The following REEP3 variants were observed in gnomAD, a reference collection of about 807,000 sequenced individuals.
REEP3 encodes receptor expression-enhancing protein 3.
REEP3 carries 20 observed loss-of-function variants against 41.3 expected under a neutral mutation model. The observed-to-expected ratio is 0.48, with a 90% CI of 0.34 to 0.70. The LOEUF (loss-of-function observed/expected upper bound fraction) is 0.70, where lower values mean the gene tolerates loss of function less well. REEP3 is among the 30% of genes least tolerant of loss of function. The pLI is 0.01. For missense variants in REEP3, 271 were observed against 308.8 expected (o/e 0.88, Z 0.92); for synonymous variants, 104 against 101.8 (o/e 1.02, Z -0.13).
chr10:63,597,942 A>T, intron 3 of REEP3, 82 bp from the exon 4 acceptor site: 1 of 1,226,574 alleles, frequency 8.2e-7, no homozygotes, highest in Non-Finnish European at 1.1e-6. Flanking sequence ...ATAGTGACTG[A>T]ACTTTTTAAA....
intron 6 of REEP3, among the ~76,000 whole-genome samples, chr10:63,616,396 A>G (rs556644834): frequency 1.3e-5 from 2 of 152,202 alleles, no homozygotes; most frequent in South Asian, 4.1e-4. Context: ...TTGAGGGTAG[A>G]AAAAGACAGC....
At chr10:63,524,581 C>T (rs185919053) in intron 1 of REEP3, among the ~76,000 whole-genome samples, 52 of 152,178 alleles carry the variant, frequency 3.4e-4, no homozygotes, top group Admixed American at 2.6e-3. Context: ...GTAGCTGGGA[C>T]TATAGGTGCA....
chr10:63,589,223 G>A (rs542067578), intron 2 of REEP3, among the ~76,000 whole-genome samples: 2 of 152,324 alleles, frequency 1.3e-5, no homozygotes, highest in South Asian at 4.1e-4. Flanking sequence ...ATCCAGACAG[G>A]AGGTGATGGT....
At chr10:63,557,420 T>C (rs1490054250) in intron 1 of REEP3, among the ~76,000 whole-genome samples, 1 of 152,256 alleles carries the variant, frequency 6.6e-6, no homozygotes, top group East Asian at 1.9e-4. Flanking sequence ...CTTATCTTAC[T>C]GTTTGGATAC....
intron 1 of REEP3, among the ~76,000 whole-genome samples, chr10:63,545,348 A>G (rs957282394): frequency 6.6e-6 from 1 of 152,120 alleles, no homozygotes; most frequent in East Asian, 1.9e-4. Flanking sequence ...TAGCCATCCT[A>G]CAGCGTTATA....
At chr10:63,620,051 A>G (rs896244175) in intron 7 of REEP3, among the ~76,000 whole-genome samples, 3 of 150,828 alleles carry the variant, frequency 2.0e-5, no homozygotes, top group African/African-American at 4.9e-5. Flanking sequence ...TCCCACCTCA[A>G]TCTCCCAAGT....
At chr10:63,607,465 T>C (rs994596520) in intron 5 of REEP3, among the ~76,000 whole-genome samples, 1 of 152,186 alleles carries the variant, frequency 6.6e-6, no homozygotes, top group African/African-American at 2.4e-5. Flanking sequence ...ATTCTGAACC[T>C]GAAGCAAACC....
chr10:63,530,949 A>G (rs1955415742), intron 1 of REEP3, among the ~76,000 whole-genome samples: 1 of 152,230 alleles, frequency 6.6e-6, no homozygotes, highest in African/African-American at 2.4e-5. Flanking sequence ...GAGGTAAATG[A>G]GAGGTTAAAG....
At chr10:63,551,601 T>A (rs147218585) in intron 1 of REEP3, among the ~76,000 whole-genome samples, 2 of 152,044 alleles carry the variant, frequency 1.3e-5, no homozygotes, top group Admixed American at 6.5e-5. Context: ...ATGACCTGAG[T>A]CTAATCTTGA....
At chr10:63,542,048 A>G (rs1047764553) in intron 1 of REEP3, among the ~76,000 whole-genome samples, 1 of 151,710 alleles carries the variant, frequency 6.6e-6, no homozygotes, top group African/African-American at 2.4e-5. Context: ...TAGAGTTGGT[A>G]TAAGTGACAT....
intron 3 of REEP3, among the ~76,000 whole-genome samples, chr10:63,597,771 G>A (rs1956129443): frequency 6.6e-6 from 1 of 152,086 alleles, no homozygotes; most frequent in Non-Finnish European, 1.5e-5. Flanking sequence ...AAATTAGCCA[G>A]GAGTGGTGAC....
At chr10:63,593,629 G>A (rs375276674) in intron 2 of REEP3, among the ~76,000 whole-genome samples, 2 of 152,146 alleles carry the variant, frequency 1.3e-5, no homozygotes, top group Admixed American at 6.5e-5. Flanking sequence ...TTAATCGTAC[G>A]TGAAACTCCA....
chr10:63,530,494 AT>A (rs5785580), intron 1 of REEP3, among the ~76,000 whole-genome samples: 69,925 of 151,992 alleles, frequency 0.46, 16,955 homozygotes, highest in East Asian at 0.68. Context: ...TTAAAAATAT[AT>A]GTAGGAAATG....
chr10:63,609,321 G>T (rs200057089), intron 5 of REEP3, among the ~76,000 whole-genome samples: 8,046 of 151,948 alleles, frequency 0.053, 362 homozygotes, highest in African/African-American at 0.12. Context: ...GCGTGGTGGT[G>T]GGCGCCTGTA....
At chr10:63,569,362 T>G (rs1482107506) in intron 2 of REEP3, among the ~76,000 whole-genome samples, 1 of 152,140 alleles carries the variant, frequency 6.6e-6, no homozygotes, top group Non-Finnish European at 1.5e-5. Flanking sequence ...CCATTTCACC[T>G]AGAAAGCATT....
At chr10:63,607,972 T>G (rs150140575) in intron 5 of REEP3, among the ~76,000 whole-genome samples, 74 of 152,314 alleles carry the variant, frequency 4.9e-4, no homozygotes, top group African/African-American at 1.4e-3. Context: ...TAGCCAGCCT[T>G]GGAAATCGCA....
chr10:63,595,043 C>T (rs574878943), intron 3 of REEP3, among the ~76,000 whole-genome samples, 189 bp downstream of exon 3: 13 of 152,276 alleles, frequency 8.5e-5, no homozygotes, highest in African/African-American at 2.9e-4. Context: ...AAAGGCAGCT[C>T]ATTTTCCTCC....
At chr10:63,585,472 T>C (rs1365466084) in intron 2 of REEP3, among the ~76,000 whole-genome samples, 2 of 152,164 alleles carry the variant, frequency 1.3e-5, no homozygotes, top group Non-Finnish European at 2.9e-5. Context: ...ATATATTAAA[T>C]CAGACATTGT....
At chr10:63,549,037 G>T (rs774084400) in intron 1 of REEP3, among the ~76,000 whole-genome samples, 1 of 151,672 alleles carries the variant, frequency 6.6e-6, no homozygotes, top group African/African-American at 2.4e-5. Context: ...TCAGAGGCCA[G>T]AGGCCAAGAA....
Sources: gnomAD v4.1 joint callset for allele counts (sites outside exome capture counted in the v4.1 genomes callset) on GRCh38, gnomAD v4.1.1 for gene constraint, MANE v1.5 for transcripts, NCBI Gene and HGNC (gene_info 2026-07-23, HGNC 2026-07-21) for gene names.